The following SCIN variants were observed in gnomAD, a reference collection of about 807,000 sequenced individuals.
SCIN encodes the protein adseverin.
Under a neutral mutation model 91.8 loss-of-function variants are expected in SCIN, and 91 were observed. The observed-to-expected ratio is 0.99, with a 90% CI of 0.84 to 1.18. The LOEUF (loss-of-function observed/expected upper bound fraction) is 1.18. Among genes scored for constraint, SCIN ranks in the 50% most tolerant of loss-of-function variants. The pLI is 0.00. For missense variants in SCIN, 1,087 were observed against 863.9 expected (o/e 1.26, Z -3.24); for synonymous variants, 367 against 312.6 (o/e 1.17, Z -1.84).
intron 3 of SCIN, among the ~76,000 whole-genome samples, chr7:12,590,128 G>A (rs1293854860): frequency 6.6e-6 from 1 of 152,184 alleles, no homozygotes; most frequent in African/African-American, 2.4e-5. Context: ...ATTGTATGGA[G>A]CCAGGGAGAC....
Position 12,651,279 on chromosome 7 carries a change from A to G in SCIN, c.1960-562A>G, listed in dbSNP as rs1315350584. 1.3e-5 allele frequency among the ~76,000 whole-genome samples: 2 copies of G among 152,170 alleles called. No homozygotes were observed. Among genetic ancestry groups the G allele is most frequent in the Non-Finnish European group, 2.9e-5 (2 of 68,036 alleles). On this transcript the variant is annotated intron_variant, in intron 14 of 15. Coordinates refer to ENST00000297029, the MANE Select transcript of SCIN (RefSeq NM_001112706.3). The surrounding 1 kb of genome is among the most constrained non-coding windows in gnomAD (Gnocchi z 5.9). ...GGTAAATGTTTCTTTCAGACCTTTA[A>G]GAGTGTGATACTCTCAGTTAATCTT... is the stretch of plus-strand genomic sequence containing the variant.
At chr7:12,634,128 C>G (rs906642357) in intron 9 of SCIN, among the ~76,000 whole-genome samples, 1 of 151,758 alleles carries the variant, frequency 6.6e-6, no homozygotes, top group African/African-American at 2.4e-5. Context: ...TAATCTGTTC[C>G]GAGTATGGAA....
chr7:12,615,602 A>G (rs962136265), intron 4 of SCIN, among the ~76,000 whole-genome samples: 3 of 152,146 alleles, frequency 2.0e-5, no homozygotes, highest in East Asian at 1.9e-4. Context: ...AAATTGACTA[A>G]TTCAACTGGC....
chr7:12,652,084 A>G (rs2115305971), intron 15 of SCIN, among the ~76,000 whole-genome samples, 183 bp downstream of exon 15: 1 of 152,372 alleles, frequency 6.6e-6, no homozygotes, highest in Admixed American at 6.5e-5. Context: ...AAATGGGCAC[A>G]AGAAAACAAT....
At chr7:12,623,691 A>G (rs1783456567) in intron 5 of SCIN, among the ~76,000 whole-genome samples, 2 of 152,134 alleles carry the variant, frequency 1.3e-5, no homozygotes, top group Non-Finnish European at 2.9e-5. Flanking sequence ...TAGTTTTCTC[A>G]TCTGTAACAG....
At position 12,658,622 on chromosome 7, in the gene SCIN, G is replaced by C. The variant is rs143316411; in HGVS notation, c.*5907G>C. On this transcript the variant is annotated 3_prime_UTR_variant, in exon 16 of 16. Transcript: ENST00000297029. Reference sequence around the variant, plus strand: ...GTTGTTTGATTATCTCCATTATTTTGAAGGAGCCAGGTGCTTGGGGAACCT... The same window carrying C: ...GTTGTTTGATTATCTCCATTATTTTCAAGGAGCCAGGTGCTTGGGGAACCT... 1 of 152,254 alleles carries C rather than the reference G, an allele frequency of 6.6e-6. No homozygotes were observed. The highest frequency in any genetic ancestry group is 1.9e-4 in the East Asian group (1 of 5,182). 9.4% of individuals were successfully genotyped at this position (152,254 alleles called of 1,614,324 possible). A position where few individuals can be genotyped will look rare whatever the true frequency, so the allele number is the denominator to read the frequency against.
intron 14 of SCIN, 109 bp downstream of exon 14, chr7:12,649,653 G>T (rs1784038375): frequency 3.4e-6 from 2 of 585,174 alleles, no homozygotes; most frequent in Non-Finnish European, 5.7e-6. Flanking sequence ...AGAGATTTAG[G>T]CTGTATTTAA....
intron 1 of SCIN, among the ~76,000 whole-genome samples, chr7:12,572,120 A>G (rs544724870): frequency 6.6e-6 from 1 of 152,220 alleles, no homozygotes; most frequent in South Asian, 2.1e-4. Context: ...AATAGAAAAC[A>G]TTGAGTAGTG....
chr7:12,626,830 C>A, intron 8 of SCIN, 31 bp downstream of exon 8: 26 of 1,518,542 alleles, frequency 1.7e-5, no homozygotes, highest in Non-Finnish European at 1.9e-5. Flanking sequence ...TTATCAAGCC[C>A]ATTAATGCCA....
rs547413376 is a variant in SCIN at position 12,631,958 on chromosome 7, G to A, written c.1319+2736G>A. On this transcript the variant is annotated intron_variant, in intron 9 of 15. Transcript: ENST00000297029. ...ACATTTAGGGAACAAAAGATAAAAC[G>A]AGGGAAATTAGAAGGAGCCAAATTG... Among the ~76,000 whole-genome samples the A allele has an allele frequency of 3.3e-5, 5 of 152,188 alleles. No homozygotes were observed. In the East Asian group the frequency reaches 7.7e-4, roughly 24 times the overall value.
intron 3 of SCIN, among the ~76,000 whole-genome samples, chr7:12,597,946 A>T (rs1782876653): frequency 6.6e-6 from 1 of 152,194 alleles, no homozygotes; most frequent in African/African-American, 2.4e-5. Context: ...TTATAAATGG[A>T]TAATTTCATA....
At chr7:12,624,568 G>C (rs750924074) in intron 5 of SCIN, among the ~76,000 whole-genome samples, 1 of 152,114 alleles carries the variant, frequency 6.6e-6, no homozygotes, top group Non-Finnish European at 1.5e-5. Flanking sequence ...TTCATCTTGT[G>C]TGTATGTAAT....
chr7:12,605,913 T>C (rs1275358406), intron 4 of SCIN, among the ~76,000 whole-genome samples: 1 of 152,204 alleles, frequency 6.6e-6, no homozygotes, highest in Non-Finnish European at 1.5e-5. Context: ...CCCTGCATCA[T>C]TTACTTAACG....
chr7:12,585,235 C>T (rs1199912321), intron 3 of SCIN, among the ~76,000 whole-genome samples: 1 of 152,094 alleles, frequency 6.6e-6, no homozygotes, highest in East Asian at 1.9e-4. Flanking sequence ...CGGTGGACAC[C>T]GTGACATTAT....
At chr7:12,624,316 T>C (rs1783468503) in intron 5 of SCIN, among the ~76,000 whole-genome samples, 1 of 152,188 alleles carries the variant, frequency 6.6e-6, no homozygotes, top group South Asian at 2.1e-4. Flanking sequence ...AACCAGTAAA[T>C]CCTAACCTGC....
intron 13 of SCIN, among the ~76,000 whole-genome samples, chr7:12,648,941 A>C (rs569561694): frequency 6.6e-6 from 1 of 152,314 alleles, no homozygotes; most frequent in East Asian, 1.9e-4. Flanking sequence ...GAAACAGAGA[A>C]ATTTTAGCAG....
intron 1 of SCIN, 50 bp from the exon 2 acceptor site, chr7:12,578,014 T>G: frequency 6.8e-7 from 1 of 1,469,742 alleles, no homozygotes; most frequent in Non-Finnish European, 9.0e-7. Context: ...AATTCTGCCT[T>G]AATCCTTTCT....
chr7:12,622,821 G>A lies in SCIN; in HGVS notation c.687G>A (p.Glu229=), dbSNP rs1159729538. ...ELIKVLGEKP[E]LPDGGDDDDI... Reference sequence around the variant, plus strand: ...TCCAGGTCTTAGGGGAAAAGCCAGAGCTTCCAGATGGAGGTGATGATGATG... The same window carrying A: ...TCCAGGTCTTAGGGGAAAAGCCAGAACTTCCAGATGGAGGTGATGATGATG... Residue 229 remains glutamate (E), a synonymous_variant, in exon 5 of 16, where the codon GAG becomes GAA. Coordinates refer to ENST00000297029, the MANE Select transcript of SCIN (RefSeq NM_001112706.3). 2.5e-5 allele frequency: 40 copies of A among 1,612,942 alleles called. No homozygotes were observed. Among genetic ancestry groups the A allele is most frequent in the Non-Finnish European group, 3.3e-5 (39 of 1,179,328 alleles).
chr7:12,605,628 T>C (rs1005824901), intron 4 of SCIN, among the ~76,000 whole-genome samples: 1 of 152,196 alleles, frequency 6.6e-6, no homozygotes, highest in Admixed American at 6.5e-5. Context: ...ACAAAATGTG[T>C]GTTAAGTACT....
Sources: gnomAD v4.1 joint callset for allele counts (sites outside exome capture counted in the v4.1 genomes callset) on GRCh38, gnomAD v4.1.1 for gene constraint, Gnocchi (gnomAD v3.1) non-coding constraint, MANE v1.5 for transcripts, NCBI Gene and HGNC (gene_info 2026-07-23, HGNC 2026-07-21) for gene names.